RFX7: variants seen among roughly 807,000 people sequenced by gnomAD.
RFX7 encodes DNA-binding protein RFX7.
RFX7 carries 26 observed loss-of-function variants against 111.8 expected under a neutral mutation model. That is an observed-to-expected ratio of 0.23 (90% CI 0.17 to 0.32). RFX7 has a LOEUF of 0.32. RFX7 is among the 10% of genes least tolerant of loss of function. The pLI is 1.00. For synonymous variants in RFX7, 624 were observed against 624.4 expected (o/e 1.00, Z 0.01); for missense variants, 1,573 against 1,772.9 (o/e 0.89, Z 2.02).
intron 2 of RFX7, among the ~76,000 whole-genome samples, chr15:56,235,360 G>C (rs1472990480): frequency 6.6e-6 from 1 of 152,072 alleles, no homozygotes; most frequent in Non-Finnish European, 1.5e-5. Flanking sequence ...ATTTTTAGTA[G>C]AGACGGGGTT....
At chr15:56,177,959 A>G (rs2042920369) in intron 3 of RFX7, among the ~76,000 whole-genome samples, 1 of 152,104 alleles carries the variant, frequency 6.6e-6, no homozygotes, top group South Asian at 2.1e-4. Flanking sequence ...ATAACAGACT[A>G]AATTTCTTAA....
intron 3 of RFX7, among the ~76,000 whole-genome samples, chr15:56,158,578 G>A (rs2042682593): frequency 6.6e-6 from 1 of 152,090 alleles, no homozygotes; most frequent in Admixed American, 6.6e-5. Context: ...AATCACTGCA[G>A]CCTCACATAT....
intron 3 of RFX7, among the ~76,000 whole-genome samples, chr15:56,149,401 G>A (rs1159099312): frequency 6.6e-6 from 1 of 152,182 alleles, no homozygotes; most frequent in Non-Finnish European, 1.5e-5. Context: ...TTTTACATAT[G>A]CAGATAAAAA....
intron 3 of RFX7, among the ~76,000 whole-genome samples, chr15:56,171,389 A>G (rs373475321): frequency 3.3e-5 from 5 of 152,170 alleles, no homozygotes; most frequent in Non-Finnish European, 7.3e-5. Flanking sequence ...AGTAGGATCA[A>G]TGTATACTCA....
rs2042685863 is a variant in RFX7 at position 56,158,868 on chromosome 15, AATTCTG to A, written c.196-14391_196-14386del. On this transcript the variant is annotated intron_variant, in intron 3 of 9. Coordinates refer to ENST00000559447, the MANE Select transcript of RFX7 (RefSeq NM_022841.7). ...AAACCCAAAAAACAACTCTTTTCACAATTCTGAAATATACAACACATTATTGTTATA... is the reference window on the plus strand; with the variant it reads ...AAACCCAAAAAACAACTCTTTTCACAAAATATACAACACATTATTGTTATA... Among the ~76,000 whole-genome samples, 2 of 152,126 alleles carry A rather than the reference AATTCTG, an allele frequency of 1.3e-5. 1 individual carries two copies. The highest frequency in any genetic ancestry group is 4.1e-4 in the South Asian group (2 of 4,822).
chr15:56,162,811 A>G (rs2141089236), intron 3 of RFX7, among the ~76,000 whole-genome samples: 1 of 152,262 alleles, frequency 6.6e-6, no homozygotes, highest in African/African-American at 2.4e-5. Context: ...CAAACAAGCT[A>G]TTTAAATCTG....
intron 3 of RFX7, among the ~76,000 whole-genome samples, chr15:56,151,190 A>C (rs1236653567): frequency 6.6e-6 from 1 of 152,218 alleles, no homozygotes; most frequent in African/African-American, 2.4e-5. Flanking sequence ...CAACATTCAA[A>C]TTTAGGAAAT....
At chr15:56,102,051 TC>T in intron 7 of RFX7, 117 bp downstream of exon 7, 1 of 713,218 alleles carries the variant, frequency 1.4e-6, no homozygotes, top group Non-Finnish European at 2.3e-6. Flanking sequence ...ATTTTTTTTT[TC>T]TTATTTGTAA....
intron 2 of RFX7, among the ~76,000 whole-genome samples, chr15:56,233,702 G>A (rs1194150332): frequency 6.6e-6 from 1 of 152,168 alleles, no homozygotes; most frequent in African/African-American, 2.4e-5. Context: ...AGCAATTTGA[G>A]GTGGCAAGGT....
chr15:56,126,763 A>G (rs2042151016), intron 5 of RFX7, among the ~76,000 whole-genome samples: 1 of 152,232 alleles, frequency 6.6e-6, no homozygotes, highest in African/African-American at 2.4e-5. Flanking sequence ...GGCTGTACTA[A>G]TATCAGAGAA....
At position 56,088,635 on chromosome 15, in the gene RFX7, A is replaced by G. The variant is rs369858630; in HGVS notation, c.*4710T>C. ...AATAAGTGATCCCATCCATAAATTT[A>G]TAACTTTAATTATTTAAAAATTCAT... On this transcript the variant is annotated 3_prime_UTR_variant, in exon 10 of 10. Transcript: ENST00000559447. 1.3e-5 allele frequency: 2 copies of G among 152,330 alleles called. 1 individual carries two copies. 9.4% of individuals were successfully genotyped at this position (152,330 alleles called of 1,614,324 possible).
Position 56,095,071 on chromosome 15 carries a change from C to G in RFX7, c.2657G>C (p.Ser886Thr). 1 of 1,613,870 alleles carries G rather than the reference C, an allele frequency of 6.2e-7. No homozygotes were observed. The highest frequency in any genetic ancestry group is 8.5e-7 in the Non-Finnish European group (1 of 1,179,828). ...CATAAGCACCAGCTCTTCCACAATA[C>G]TATCTTGTGTAAGTTCATCATCAAA... ...FPFDDELTQD[S>T]IVEELVLMEQ... The change falls in exon 10 of 10, where the codon AGT becomes ACT. Residue 886 changes from serine to threonine, a missense_variant. This residue lies in a region of RFX7 where 625 missense variants were observed against 632.2 expected (regional missense o/e 0.99). Coordinates refer to ENST00000559447, the MANE Select transcript of RFX7 (RefSeq NM_022841.7).
chr15:56,141,722 T>C (rs560562832), intron 5 of RFX7, among the ~76,000 whole-genome samples: 1 of 139,976 alleles, frequency 7.1e-6, no homozygotes, highest in East Asian at 2.1e-4. Flanking sequence ...TTTACAATTG[T>C]ATCCTGAGAA....
intron 5 of RFX7, among the ~76,000 whole-genome samples, chr15:56,122,062 G>A (rs900742333): frequency 6.6e-6 from 1 of 152,122 alleles, no homozygotes; most frequent in African/African-American, 2.4e-5. Flanking sequence ...TTTTCTGAAT[G>A]GTCTTGATGC....
Position 56,095,107 on chromosome 15 carries a change from C to G in RFX7, c.2621G>C (p.Ser874Thr). ...AAGTTCATCATCAAAAGGAAAGTAG[C>G]TTTCATTTGTCTGGGAAACAGAAGG... ...FEPSVSQTNE[S>T]YFPFDDELTQ... Residue 874 changes from serine to threonine, a missense_variant, in exon 10 of 10, where the codon AGC becomes ACC. Physicochemically the swap from Ser to Thr is moderately conservative, Grantham distance 58 (BLOSUM62 1). Around this residue, in one of 7 missense-constraint regions of RFX7, gnomAD observed 625 missense variants for 632.2 expected, o/e 0.99. Coordinates refer to ENST00000559447, the MANE Select transcript of RFX7 (RefSeq NM_022841.7). 1.2e-6 allele frequency: 2 copies of G among 1,613,856 alleles called. No individual in the cohort carries two copies. The highest frequency in any genetic ancestry group is 1.7e-4 in the Middle Eastern group (1 of 6,060).
At chr15:56,229,339 C>T (rs1185768681) in intron 2 of RFX7, among the ~76,000 whole-genome samples, 2 of 152,100 alleles carry the variant, frequency 1.3e-5, no homozygotes, top group East Asian at 3.9e-4. Context: ...GATCTCGGCT[C>T]ACTGCGAGCT....
rs1482126723 is a variant in RFX7, at chr15:56,092,188, CTCT to C, written c.*1154_*1156del. 6.6e-6 allele frequency: 1 copy of C among 152,506 alleles called. No homozygotes were observed. The highest frequency in any genetic ancestry group is 1.5e-5 in the Non-Finnish European group (1 of 67,956). The allele number at this position is 152,506 out of a possible 1,614,324, so 9.4% of individuals were successfully genotyped here. A position where few individuals can be genotyped will look rare whatever the true frequency, so the allele number is the denominator to read the frequency against. ...AATAAATTAAGCAAGTAATAAAATG[CTCT>C]TCTTCTTCAAGTACTATTGATATCC... On this transcript the variant is annotated 3_prime_UTR_variant, in exon 10 of 10. Coordinates refer to ENST00000559447, the MANE Select transcript of RFX7 (RefSeq NM_022841.7).
chr15:56,087,922 C>T lies in RFX7; in HGVS notation c.*5423G>A. On this transcript the variant is annotated 3_prime_UTR_variant, in exon 10 of 10. Coordinates refer to ENST00000559447, the MANE Select transcript of RFX7 (RefSeq NM_022841.7). ...CTAGAGTATACCTGTATGAAATATG[C>T]TTGAAAAGCTGTGTGGAAAACAAAA... The T allele has an allele frequency of 6.1e-6, 2 of 328,222 alleles. No individual in the cohort carries two copies. The highest frequency in any genetic ancestry group is 2.5e-5 in the South Asian group (1 of 39,832). 20.3% of individuals were successfully genotyped at this position (328,222 alleles called of 1,614,324 possible). A position where few individuals can be genotyped will look rare whatever the true frequency, so the allele number is the denominator to read the frequency against.
intron 2 of RFX7, among the ~76,000 whole-genome samples, chr15:56,242,722 T>C (rs1361793420): frequency 1.3e-5 from 2 of 152,184 alleles, no homozygotes; most frequent in Non-Finnish European, 2.9e-5. Flanking sequence ...ATCTGTTTGG[T>C]GAAAATTCAC....
Sources: allele counts gnomAD v4.1 joint callset (sites outside exome capture counted in the v4.1 genomes callset), GRCh38; gene constraint gnomAD v4.1.1; regional missense constraint gnomAD v4.1.1; transcripts MANE v1.5; gene names NCBI Gene and HGNC (gene_info 2026-07-23, HGNC 2026-07-21).